The following PCCA variants were observed in gnomAD, a reference collection of about 807,000 sequenced individuals.
PCCA encodes the protein propionyl-CoA carboxylase alpha chain, mitochondrial.
A neutral mutation model predicts 101.3 loss-of-function variants in PCCA; 74 were observed. That is an observed-to-expected ratio of 0.73 (90% CI 0.61 to 0.89). The LOEUF (loss-of-function observed/expected upper bound fraction) is 0.89. PCCA is among the 40% of genes least tolerant of loss of function. The pLI is 0.00. For synonymous variants in PCCA, 294 were observed against 313.6 expected, an observed-to-expected ratio of 0.94 and a Z score of 0.66; for missense variants, 891 against 907.0, an observed-to-expected ratio of 0.98 and a Z score of 0.23.
At chr13:100,242,515 G>A (rs565175264) in intron 8 of PCCA, among the ~76,000 whole-genome samples, 3 of 152,176 alleles carry the variant, frequency 2.0e-5, no homozygotes, top group African/African-American at 7.2e-5. Flanking sequence ...GGGAATAGAG[G>A]ACTTGAACAG....
chr13:100,465,189 A>G (rs999349454), intron 21 of PCCA, among the ~76,000 whole-genome samples: 2 of 152,172 alleles, frequency 1.3e-5, no homozygotes, highest in Non-Finnish European at 2.9e-5. Context: ...CCCATGTCTG[A>G]TGTCGAAATC....
intron 8 of PCCA, among the ~76,000 whole-genome samples, chr13:100,246,290 A>G (rs1343637331): frequency 8.2e-6 from 1 of 121,988 alleles, no homozygotes; most frequent in Non-Finnish European, 1.9e-5. Context: ...TTTGACTCAT[A>G]TGTTATTTGG....
At chr13:100,517,046 C>CGTGTGTGTGT (rs3840814) in intron 22 of PCCA, among the ~76,000 whole-genome samples, 1,738 of 132,958 alleles carry the variant, frequency 0.013, 27 homozygotes, top group East Asian at 0.027. Context: ...ATTATAAAAT[C>CGTGTGTGTGT]GTGTGTGTGT....
At chr13:100,359,175 C>CTA (rs2074299353) in intron 18 of PCCA, among the ~76,000 whole-genome samples, 1 of 149,844 alleles carries the variant, frequency 6.7e-6, no homozygotes, top group Non-Finnish European at 1.5e-5. Flanking sequence ...CTTGTGGGCA[C>CTA]TATAAGTTAT....
chr13:100,524,515 G>C (rs538203394), intron 22 of PCCA, among the ~76,000 whole-genome samples: 1 of 151,844 alleles, frequency 6.6e-6, no homozygotes, highest in African/African-American at 2.4e-5. Flanking sequence ...TAGGGAAAAC[G>C]GTCTACAAAA....
At chr13:100,265,955 G>A (rs1042501137) in intron 10 of PCCA, among the ~76,000 whole-genome samples, 5 of 152,296 alleles carry the variant, frequency 3.3e-5, no homozygotes, top group Admixed American at 2.6e-4. Flanking sequence ...AGGAAATCAG[G>A]TTATAAAGTT....
intron 6 of PCCA, chr13:100,161,593 T>G (rs2054479099): frequency 6.6e-6 from 1 of 152,152 alleles, no homozygotes; most frequent in East Asian, 1.9e-4. Context: ...TTTAACAATT[T>G]TTTTGTTTAT....
intron 6 of PCCA, among the ~76,000 whole-genome samples, chr13:100,204,465 C>T (rs934315595): frequency 3.3e-5 from 5 of 152,168 alleles, no homozygotes; most frequent in African/African-American, 1.2e-4. Context: ...TCTTCTGACC[C>T]TGGTTTTGTA....
At chr13:100,491,753 T>C in intron 21 of PCCA, 1 of 1,254,396 alleles carries the variant, frequency 8.0e-7, no homozygotes, top group South Asian at 1.4e-5. Flanking sequence ...TCTCGGTTTG[T>C]ACAAGCTCTT....
chr13:100,429,670 G>A (rs910669555), intron 20 of PCCA, among the ~76,000 whole-genome samples: 8 of 151,886 alleles, frequency 5.3e-5, no homozygotes, highest in Admixed American at 2.0e-4. Context: ...GCAGTGGTAC[G>A]ATCTTGGCTC....
chr13:100,387,131 C>A (rs1339480089), intron 19 of PCCA, among the ~76,000 whole-genome samples: 1 of 152,144 alleles, frequency 6.6e-6, no homozygotes. Context: ...CACTGAAATT[C>A]TTTGGCTAGC....
chr13:100,269,268 G>A (rs1566832636), intron 11 of PCCA, among the ~76,000 whole-genome samples: 1 of 152,166 alleles, frequency 6.6e-6, no homozygotes, highest in Non-Finnish European at 1.5e-5. Flanking sequence ...GTGCTTTAAT[G>A]TGTAAAAGGG....
intron 18 of PCCA, among the ~76,000 whole-genome samples, chr13:100,347,720 T>A (rs1291157991): frequency 1.3e-5 from 2 of 152,212 alleles, no homozygotes; most frequent in Non-Finnish European, 2.9e-5. Flanking sequence ...CTTTTAGAAG[T>A]TAGAAACAAA....
At chr13:100,252,695 C>T (rs749760687) in intron 8 of PCCA, among the ~76,000 whole-genome samples, 1 of 152,100 alleles carries the variant, frequency 6.6e-6, no homozygotes, top group African/African-American at 2.4e-5. Context: ...ACTTGGAATC[C>T]ATAACTAAAT....
chr13:100,264,051 T>C (rs1219172328), intron 10 of PCCA, among the ~76,000 whole-genome samples: 5 of 147,732 alleles, frequency 3.4e-5, no homozygotes, highest in African/African-American at 9.9e-5. Context: ...TATCTGTATA[T>C]CGTATATATA....
chr13:100,454,480 C>G (rs756955684), intron 21 of PCCA, among the ~76,000 whole-genome samples: 5 of 152,194 alleles, frequency 3.3e-5, no homozygotes, highest in Non-Finnish European at 7.3e-5. Context: ...GGTCCTGTTA[C>G]AACAAATACA....
rs1329126089 is a variant in PCCA, at chr13:100,449,236, CTT to C, written c.1846-15_1846-14del. 5.9e-6 allele frequency: 9 copies of C among 1,518,654 alleles called. No individual in the cohort carries two copies. The highest frequency in any genetic ancestry group is 3.9e-5 in the Admixed American group (2 of 50,750). The allele number at this position is 1,518,654 out of a possible 1,614,324, so 94.1% of individuals were successfully genotyped here. A position where few individuals can be genotyped will look rare whatever the true frequency, so the allele number is the denominator to read the frequency against. ...GCAGATATGAGTTCATTTTATATCT[CTT>C]GTTTGTTTTTTAGTGTCTTTCTCGA... On this transcript the variant is annotated splice_polypyrimidine_tract_variant and intron_variant, in intron 20 of 23. Transcript: ENST00000376285.
At chr13:100,392,880 G>A (rs2076870428) in intron 19 of PCCA, among the ~76,000 whole-genome samples, 1 of 152,078 alleles carries the variant, frequency 6.6e-6, no homozygotes, top group Admixed American at 6.5e-5. Flanking sequence ...CAGCAAGAGG[G>A]GATGAGAAGG....
intron 12 of PCCA, chr13:100,293,160 G>A (rs1162170083): frequency 2.1e-6 from 1 of 467,620 alleles, no homozygotes; most frequent in African/African-American, 2.0e-5. Context: ...TTTGAGAACA[G>A]ACAGGTAAAC....
Sources: gnomAD v4.1 joint callset for allele counts (sites outside exome capture counted in the v4.1 genomes callset) on GRCh38, gnomAD v4.1.1 for gene constraint, MANE v1.5 for transcripts, NCBI Gene and HGNC (gene_info 2026-07-23, HGNC 2026-07-21) for gene names.